Variants in TIMELESS observed in about 807,000 individuals in gnomAD.
TIMELESS encodes the protein timeless circadian regulator, also known as protein timeless homolog.
In TIMELESS, 124 loss-of-function variants were observed where a neutral mutation model predicts 164.3. That is an observed-to-expected ratio of 0.75 (90% CI 0.65 to 0.88). TIMELESS has a LOEUF of 0.88. Among genes scored for constraint, TIMELESS ranks in the 40% least tolerant of loss-of-function variants. The probability of loss-of-function intolerance (pLI) is 0.00; values close to 1 mark genes in which losing one functional copy is unlikely to be tolerated. For missense variants in TIMELESS, 1,422 were observed against 1,491.4 expected (o/e 0.95, Z 0.77); for synonymous variants, 564 against 563.4 (o/e 1.00, Z -0.02).
intron 1 of TIMELESS, among the ~76,000 whole-genome samples, chr12:56,448,309 G>C (rs1363225807): frequency 6.6e-6 from 1 of 152,118 alleles, no homozygotes; most frequent in Non-Finnish European, 1.5e-5. Flanking sequence ...GGGAGGCTGA[G>C]GCAGGAGAAT....
chr12:56,434,041 A>G (rs1881988952), intron 2 of TIMELESS, 33 bp downstream of exon 2: 2 of 1,612,354 alleles, frequency 1.2e-6, no homozygotes, highest in African/African-American at 1.3e-5. Context: ...ATTCAAGCCA[A>G]TTTTTTTCCT....
chr12:56,430,374 T>A, intron 9 of TIMELESS, 93 bp from the exon 10 acceptor site: 2 of 1,460,410 alleles, frequency 1.4e-6, no homozygotes, highest in Non-Finnish European at 1.8e-6. Flanking sequence ...CTAATTTTTG[T>A]TTTTCTTTTG....
chr12:56,443,272 T>C (rs1368611463), intron 1 of TIMELESS, among the ~76,000 whole-genome samples: 1 of 152,136 alleles, frequency 6.6e-6, no homozygotes, highest in Non-Finnish European at 1.5e-5. Context: ...TTGATAACCC[T>C]GGGGAAGGAA....
rs369162799 is a variant in TIMELESS, at chr12:56,433,835, G to A, written c.189C>T (p.Ser63=). The part of the protein sequence containing the change: ...QQLGAAQILQ[S]DLLPILTQHH... ...GCTGGGTGAGGATGGGCAGAAGGTC[G>A]CTCTGTAGGATCTGGGCTGCCCCCA... The change falls in exon 3 of 29, where the codon AGC becomes AGT. Residue 63 remains serine, a synonymous_variant. Coordinates refer to ENST00000553532, the MANE Select transcript of TIMELESS (RefSeq NM_003920.5). 2.2e-4 allele frequency: 361 copies of A among 1,614,012 alleles called. No homozygotes were observed. Among genetic ancestry groups the A allele is most frequent in the Non-Finnish European group, 2.9e-4 (341 of 1,180,044 alleles).
chr12:56,442,382 G>A (rs1868288066), intron 1 of TIMELESS, among the ~76,000 whole-genome samples: 2 of 152,090 alleles, frequency 1.3e-5, no homozygotes, highest in Admixed American at 1.3e-4. Flanking sequence ...GAGTCCAACA[G>A]GAAAGCAATG....
rs776315368 is a variant in TIMELESS, at chr12:56,421,058, C to T, written c.2945G>A (p.Ser982Asn). 1 of 1,614,220 alleles carries T rather than the reference C, an allele frequency of 6.2e-7. No individual in the cohort carries two copies. The highest frequency in any genetic ancestry group is 8.5e-7 in the Non-Finnish European group (1 of 1,180,040). The change falls in exon 24 of 29, where the codon AGC (serine) becomes AAC (asparagine). Residue 982 changes from serine (S) to asparagine (N), a missense_variant. By Grantham distance (46) the Ser-to-Asn change is conservative. Coordinates refer to ENST00000553532, the MANE Select transcript of TIMELESS (RefSeq NM_003920.5). The part of the protein sequence containing the change: ...EEEENLPEED[S>N]EEEEEGGSEA... ...TGAGCCCCCTTCTTCTTCCTCTTCG[C>T]TGTCTTCCTCAGGCAGGTTTTCCTC...
At chr12:56,423,043 G>C (rs369932508) in intron 18 of TIMELESS, 51 bp from the exon 19 acceptor site, 1 of 1,577,208 alleles carries the variant, frequency 6.3e-7, no homozygotes, top group Non-Finnish European at 8.6e-7. Context: ...ATGCAGACCC[G>C]AACCTGGCCC....
intron 1 of TIMELESS, among the ~76,000 whole-genome samples, chr12:56,437,517 A>G (rs1043219612): frequency 6.6e-6 from 1 of 152,060 alleles, no homozygotes; most frequent in Non-Finnish European, 1.5e-5. Context: ...GAGGAAGCAG[A>G]ATACAGAAAA....
rs1187252457 is a variant in TIMELESS, at chr12:56,423,777, T to C, written c.1966+20A>G. ...TAGAAAAGAGCTGGAAGGAGACAGATGTGAAGGGTGGAGACTCACGGGGAA... is the reference window on the plus strand; with the variant it reads ...TAGAAAAGAGCTGGAAGGAGACAGACGTGAAGGGTGGAGACTCACGGGGAA... On this transcript the variant is annotated intron_variant, in intron 16 of 28. Coordinates refer to ENST00000553532, the MANE Select transcript of TIMELESS (RefSeq NM_003920.5). 4 of 1,613,974 alleles carry C rather than the reference T, an allele frequency of 2.5e-6. No individual in the cohort carries two copies. The highest frequency in any genetic ancestry group is 3.4e-6 in the Non-Finnish European group (4 of 1,180,012).
Position 56,417,461 on chromosome 12 carries a change from G to T in TIMELESS, c.*255C>A, listed in dbSNP as rs1291276219. 2.2e-6 allele frequency: 1 copy of T among 451,010 alleles called. No individual in the cohort carries two copies. The highest frequency in any genetic ancestry group is 3.5e-5 in the Admixed American group (1 of 28,294). 27.9% of individuals were successfully genotyped at this position (451,010 alleles called of 1,614,324 possible). The stretch of plus-strand genomic sequence containing the variant: ...GGAGCTCCAATAACCAAAAGAAATG[G>T]TTCCTAGAAGAAGAGAACTAAATCT... On this transcript the variant is annotated 3_prime_UTR_variant, in exon 29 of 29. Transcript: ENST00000553532.
intron 4 of TIMELESS, 24 bp from the exon 5 acceptor site, chr12:56,433,467 T>A: frequency 6.2e-7 from 1 of 1,614,096 alleles, no homozygotes; most frequent in East Asian, 2.2e-5. Context: ...AACCTGATCT[T>A]AAGTAGCAGT....
At chr12:56,444,475 A>C (rs577866012) in intron 1 of TIMELESS, among the ~76,000 whole-genome samples, 1 of 152,222 alleles carries the variant, frequency 6.6e-6, no homozygotes, top group East Asian at 1.9e-4. Flanking sequence ...CCTGTCCCTT[A>C]GTTGGTTATT....
At chr12:56,418,590 T>G (rs1345703728) in intron 26 of TIMELESS, among the ~76,000 whole-genome samples, 1 of 151,170 alleles carries the variant, frequency 6.6e-6, no homozygotes, top group East Asian at 1.9e-4. Context: ...TTTTTTTTTT[T>G]TAAATGAGAA....
chr12:56,432,945 C>T, intron 6 of TIMELESS, 81 bp downstream of exon 6: 2 of 977,564 alleles, frequency 2.0e-6, no homozygotes, highest in Non-Finnish European at 3.0e-6. Context: ...CAGAGAGAGA[C>T]TCCGTCTCAA....
intron 7 of TIMELESS, among the ~76,000 whole-genome samples, chr12:56,431,835 T>C (rs1481216412): frequency 6.6e-6 from 1 of 151,450 alleles, no homozygotes; most frequent in East Asian, 2.0e-4. Context: ...TATATATATT[T>C]GTATGTGTAT....
Position 56,425,115 on chromosome 12 carries a change from A to G in TIMELESS, c.1616T>C (p.Val539Ala). The change falls in exon 14 of 29, where the codon GTC becomes GCC. Residue 539 changes from valine to alanine, a missense_variant. Val to Ala is a moderately conservative substitution (Grantham distance 64). Transcript: ENST00000553532. ...ACCAGAAACAATGGCCTGGTCTAGG[A>G]CCTTCTTCTTCTTCTTCCTTCTCTT... ...QKKRRKKKKK[V>A]LDQAIVSGNV... is the part of the protein sequence containing the mutation. 6.2e-7 allele frequency: 1 copy of G among 1,613,960 alleles called. No individual in the cohort carries two copies. The highest frequency in any genetic ancestry group is 1.1e-5 in the South Asian group (1 of 91,082).
rs768615805 is a variant in TIMELESS at position 56,432,526 on chromosome 12, T to C, written c.532-2A>G. ...GGCACTGGCGTCATCATCAATCTTC[T>C]GAGCAGTGAGTGGTGAGGGTAGAAA... On this transcript the variant is annotated splice_acceptor_variant, in intron 6 of 28. Coordinates refer to ENST00000553532, the MANE Select transcript of TIMELESS (RefSeq NM_003920.5). LOFTEE classifies it high-confidence loss of function. 6.8e-6 allele frequency: 11 copies of C among 1,613,038 alleles called. No individual in the cohort carries two copies. Among genetic ancestry groups the C allele is most frequent in the South Asian group, 4.4e-5 (4 of 91,068 alleles).
At chr12:56,444,032 G>A (rs1868315520) in intron 1 of TIMELESS, among the ~76,000 whole-genome samples, 1 of 151,892 alleles carries the variant, frequency 6.6e-6, no homozygotes, top group Non-Finnish European at 1.5e-5. Flanking sequence ...CAAGTAGCTG[G>A]GATTACAGGT....
chr12:56,429,770 C>G (rs559979539), intron 10 of TIMELESS, among the ~76,000 whole-genome samples: 95 of 151,166 alleles, frequency 6.3e-4, no homozygotes, highest in Admixed American at 1.5e-3. Flanking sequence ...ACTGCCTCAG[C>G]CTCTCAAAGC....
Sources: gnomAD v4.1 joint callset for allele counts (sites outside exome capture counted in the v4.1 genomes callset) on GRCh38, gnomAD v4.1.1 for gene constraint, MANE v1.5 for transcripts, NCBI Gene and HGNC (gene_info 2026-07-23, HGNC 2026-07-21) for gene names.